HEATR4: variants seen among roughly 807,000 people sequenced by gnomAD.
The protein encoded by HEATR4 is HEAT repeat containing 4.
A neutral mutation model predicts 108.8 loss-of-function variants in HEATR4; 95 were observed. The observed-to-expected ratio is 0.87, with a 90% confidence interval of 0.74 to 1.04. HEATR4 has a LOEUF of 1.04. HEATR4 is among the 50% of genes least tolerant of loss of function. The pLI is 0.00. For synonymous variants in HEATR4, 443 were observed against 459.4 expected (o/e 0.96, Z 0.46); for missense variants, 1,152 against 1,253.8 (o/e 0.92, Z 1.23).
the HEATR4 span, among the ~76,000 whole-genome samples, chr14:73,614,048 A>AAAAAAC: frequency 2.1e-5 from 3 of 143,848 alleles, no homozygotes; most frequent in African/African-American, 7.8e-5. Context: ...AAAAAAAAAA[A>AAAAAAC]AAATTAGGCA....
chr14:73,619,904 C>T, the HEATR4 span: 2 of 1,306,772 alleles, frequency 1.5e-6, no homozygotes, highest in South Asian at 1.5e-5. Flanking sequence ...GTTGGGTTTT[C>T]TTTCTTTCTT....
chr14:73,514,327 CTA>C, intron 5 of HEATR4, 93 bp from the exon 6 acceptor site: 1 of 1,161,480 alleles, frequency 8.6e-7, no homozygotes. Flanking sequence ...CTATTCCTGA[CTA>C]ATACCAAAGC....
the HEATR4 span, among the ~76,000 whole-genome samples, chr14:73,563,984 G>A: frequency 1.3e-5 from 2 of 151,702 alleles, no homozygotes; most frequent in Admixed American, 6.6e-5. Flanking sequence ...CTGGGTGACA[G>A]AGTAAGACCT....
chr14:73,484,533 C>G (rs1885371833), intron 17 of HEATR4, among the ~76,000 whole-genome samples: 1 of 152,004 alleles, frequency 6.6e-6, no homozygotes, highest in African/African-American at 2.4e-5. Flanking sequence ...CACATGCCAC[C>G]ACACCCGGCT....
At position 73,492,005 on chromosome 14, in the gene HEATR4, AC is replaced by A; in HGVS notation, c.2844+1060del. 6.2e-7 allele frequency: 1 copy of A among 1,613,836 alleles called. No individual in the cohort carries two copies. On this transcript the variant is annotated intron_variant, in intron 17 of 17. Coordinates refer to ENST00000553558, the MANE Select transcript of HEATR4 (RefSeq NM_001220484.1). This position sits in a 1 kb window ranked among gnomAD's most constrained non-coding sequence, Gnocchi z 4.9. ...CATGGCAGGCTCCAACGTTTACCTCACGCCCCCTAACTCGCAGGGCTTTGCC... is the reference window on the plus strand; with the variant it reads ...CATGGCAGGCTCCAACGTTTACCTCAGCCCCCTAACTCGCAGGGCTTTGCC...
the HEATR4 span, chr14:73,575,004 G>A: frequency 8.8e-6 from 14 of 1,599,244 alleles, no homozygotes; most frequent in African/African-American, 2.7e-5. Flanking sequence ...GGCTGCTGTC[G>A]TCATCAACGG....
intron 5 of HEATR4, among the ~76,000 whole-genome samples, chr14:73,514,547 A>G (rs1471309287): frequency 6.6e-6 from 1 of 152,128 alleles, no homozygotes; most frequent in Admixed American, 6.6e-5. Flanking sequence ...AGGAACATAA[A>G]TATGTTTATA....
intron 8 of HEATR4, 136 bp downstream of exon 8, chr14:73,509,176 A>G (rs1887043962): frequency 1.1e-6 from 1 of 878,706 alleles, no homozygotes. Context: ...CCTAATTTTC[A>G]AATGGTCTAA....
chr14:73,505,480 T>A (rs1036553396), intron 10 of HEATR4, among the ~76,000 whole-genome samples: 2 of 151,848 alleles, frequency 1.3e-5, no homozygotes, highest in Non-Finnish European at 2.9e-5. Flanking sequence ...CACTGCAACC[T>A]CTCCCTCCCA....
At chr14:73,604,217 T>G in the HEATR4 span, among the ~76,000 whole-genome samples, 1 of 147,406 alleles carries the variant, frequency 6.8e-6, no homozygotes, top group Non-Finnish European at 1.5e-5. Context: ...CAGGCTGGAC[T>G]GCAGTGGCTC....
At chr14:73,629,796 C>T in the HEATR4 span, among the ~76,000 whole-genome samples, 1 of 151,944 alleles carries the variant, frequency 6.6e-6, no homozygotes, top group Non-Finnish European at 1.5e-5. Flanking sequence ...AGGCACCCGC[C>T]ACCAAGCCCG....
At chr14:73,498,079 G>A (rs1357933221) in intron 14 of HEATR4, 76 bp downstream of exon 14, 2 of 1,371,792 alleles carry the variant, frequency 1.5e-6, no homozygotes, top group African/African-American at 2.9e-5. Flanking sequence ...TGGAAAGGCA[G>A]GGACATATTC....
chr14:73,569,976 CCG>C, the HEATR4 span: 1 of 1,462,068 alleles, frequency 6.8e-7, no homozygotes, highest in East Asian at 2.5e-5. Context: ...GTATGCCCCC[CCG>C]CCGCGCCCCC....
chr14:73,531,460 G>A lies in HEATR4; in HGVS notation c.-151-1216C>T, dbSNP rs1362357702. On this transcript the variant is annotated intron_variant, in intron 1 of 17. Coordinates refer to ENST00000553558, the MANE Select transcript of HEATR4 (RefSeq NM_001220484.1). ...TTTTGCGAGGGAGTCTCACTCTGTC[G>A]CCCAGGCTGGAGTGCAGTGGTGTGA... Among the ~76,000 whole-genome samples the A allele has an allele frequency of 5.8e-4, 56 of 96,202 alleles. 10 individuals carry two copies. The highest frequency in any genetic ancestry group is 1.7e-3 in the African/African-American group (50 of 29,580). 63.1% of individuals were successfully genotyped at this position (96,202 alleles called of 152,430 possible).
chr14:73,521,869 T>C (rs1943610883), intron 3 of HEATR4, among the ~76,000 whole-genome samples: 2 of 152,216 alleles, frequency 1.3e-5, no homozygotes, highest in Non-Finnish European at 1.5e-5. Context: ...ACCAGCAGTC[T>C]GATGGCAAAG....
chr14:73,619,918 T>TA, the HEATR4 span: 3 of 1,261,010 alleles, frequency 2.4e-6, no homozygotes, highest in Non-Finnish European at 3.2e-6. Flanking sequence ...CTTTCTTTTC[T>TA]CTTTTTTTTT....
At chr14:73,569,881 C>A in the HEATR4 span, 77 of 1,603,288 alleles carry the variant, frequency 4.8e-5, no homozygotes, top group Admixed American at 2.2e-4. Context: ...TTCCTGCCGC[C>A]AGGTGACTCA....
intron 1 of HEATR4, chr14:73,541,826 C>T: frequency 1.6e-6 from 1 of 625,660 alleles, no homozygotes; most frequent in Non-Finnish European, 2.5e-6. Context: ...TTTTTAGTCA[C>T]TTCTTATAGA....
chr14:73,522,363 CCTCCAGCTGTTTCAGGAG>C lies in HEATR4; in HGVS notation c.772_789del (p.Leu258_Glu263del). ...TCCTCAAACTCTGCTGTCTCTTCTG[CCTCCAGCTGTTTCAGGAG>C]CTCCAGGTCACTGGCAGAGGTAAGC... On this transcript the variant is annotated inframe_deletion, in exon 3 of 18. Coordinates refer to ENST00000553558, the MANE Select transcript of HEATR4 (RefSeq NM_001220484.1). 6.2e-7 allele frequency: 1 copy of C among 1,614,254 alleles called. No individual in the cohort carries two copies. Among genetic ancestry groups the C allele is most frequent in the South Asian group, 1.1e-5 (1 of 91,090 alleles).
Sources: allele counts gnomAD v4.1 joint callset (sites outside exome capture counted in the v4.1 genomes callset), GRCh38; gene constraint gnomAD v4.1.1; non-coding constraint Gnocchi (gnomAD v3.1); transcripts MANE v1.5; gene names NCBI Gene and HGNC (gene_info 2026-07-23, HGNC 2026-07-21).